Variants in GPSM2 observed in about 807,000 individuals in gnomAD.
GPSM2 encodes the protein G protein-signaling modulator 2.
A neutral mutation model predicts 78.4 loss-of-function variants in GPSM2; 58 were observed. The observed-to-expected ratio is 0.74, with a 90% CI of 0.60 to 0.92. The LOEUF is 0.92. Ranked by LOEUF, GPSM2 falls within the 40% of genes least tolerant of loss-of-function variation. GPSM2 has a pLI of 0.00. For missense variants in GPSM2, 700 were observed against 815.5 expected, an observed-to-expected ratio of 0.86 and a Z score of 1.73; for synonymous variants, 224 against 280.2, an observed-to-expected ratio of 0.80 and a Z score of 2.00.
chr1:108,913,024 T>A (rs1463172209), intron 10 of GPSM2, among the ~76,000 whole-genome samples: 1 of 152,076 alleles, frequency 6.6e-6, no homozygotes, highest in African/African-American at 2.4e-5. Context: ...TAGAAACTTA[T>A]GAGGTAAACA....
At chr1:108,903,902 T>C (rs936570792) in intron 9 of GPSM2, among the ~76,000 whole-genome samples, 1 of 152,198 alleles carries the variant, frequency 6.6e-6, no homozygotes, top group Non-Finnish European at 1.5e-5. Context: ...TACAATTAGC[T>C]GTCCTATTGT....
In GPSM2 at chr1:108,898,633, A is replaced by G. The variant is rs758721774; in HGVS notation, c.558-9A>G. The G allele has an allele frequency of 1.9e-6, 3 of 1,613,154 alleles. No individual in the cohort carries two copies. The Admixed American group carries it at 5.0e-5, about 27-fold the overall frequency. ...ACTTATTTTTTCATCACTTTTTGCG[A>G]TCCCTTAGGGAAAACCTATCATTAG... On this transcript the variant is annotated splice_polypyrimidine_tract_variant and intron_variant, in intron 5 of 14. Coordinates refer to ENST00000264126, the MANE Select transcript of GPSM2 (RefSeq NM_013296.5).
rs1652227136 is a variant in GPSM2, at chr1:108,932,772, CTG to C, written c.*2834_*2835del. On this transcript the variant is annotated 3_prime_UTR_variant, in exon 15 of 15. Transcript: ENST00000264126. ...CAAATTTATTCTAAACTGCAGGTGT[CTG>C]TCAGGATTCATTTGTTAAACATGTC... 1 of 152,194 alleles carries C rather than the reference CTG, an allele frequency of 6.6e-6. No homozygotes were observed. The highest frequency in any genetic ancestry group is 6.5e-5 in the Admixed American group (1 of 15,284). The allele number at this position is 152,194 out of a possible 1,614,324, so 9.4% of individuals were successfully genotyped here. A position where few individuals can be genotyped will look rare whatever the true frequency, so the allele number is the denominator to read the frequency against.
chr1:108,881,405 C>G (rs1405391008), intron 1 of GPSM2, among the ~76,000 whole-genome samples: 1 of 152,150 alleles, frequency 6.6e-6, no homozygotes, highest in Non-Finnish European at 1.5e-5. Flanking sequence ...TTTTCTTATC[C>G]TAATGATCAA....
chr1:108,885,996 T>G (rs954624515), intron 2 of GPSM2, among the ~76,000 whole-genome samples: 3 of 152,052 alleles, frequency 2.0e-5, no homozygotes, highest in African/African-American at 7.2e-5. Context: ...TTATTTTTTG[T>G]AGTGTATTGT....
chr1:108,900,142 G>A (rs577481552), intron 7 of GPSM2, among the ~76,000 whole-genome samples: 1 of 151,118 alleles, frequency 6.6e-6, no homozygotes, highest in African/African-American at 2.4e-5. Flanking sequence ...ATGAAACTTA[G>A]TTTTTTTCCT....
chr1:108,909,322 T>A (rs773561906), intron 10 of GPSM2, among the ~76,000 whole-genome samples: 3 of 152,174 alleles, frequency 2.0e-5, no homozygotes, highest in Non-Finnish European at 4.4e-5. Flanking sequence ...TAAGTATTCA[T>A]GAAACATTTA....
At chr1:108,913,506 A>C (rs540403123) in intron 10 of GPSM2, among the ~76,000 whole-genome samples, 1 of 152,378 alleles carries the variant, frequency 6.6e-6, no homozygotes, top group African/African-American at 2.4e-5. Flanking sequence ...AGATGGTTGC[A>C]GAATACATAC....
chr1:108,915,451 G>A (rs1295292558), intron 11 of GPSM2, among the ~76,000 whole-genome samples: 3 of 147,730 alleles, frequency 2.0e-5, no homozygotes, highest in African/African-American at 5.0e-5. Flanking sequence ...TTTTTGAGAC[G>A]GAGTCTCGCT....
intron 10 of GPSM2, among the ~76,000 whole-genome samples, chr1:108,910,232 AAATGTAATGTG>A (rs1318274525): frequency 1.3e-4 from 20 of 152,192 alleles, no homozygotes; most frequent in African/African-American, 4.8e-4. Context: ...TCCAATGGTA[AAATGTAATGTG>A]AATGGCATGC....
intron 7 of GPSM2, among the ~76,000 whole-genome samples, chr1:108,900,233 ATTTTTTTTT>A (rs756615139): frequency 7.6e-6 from 1 of 131,226 alleles, no homozygotes; most frequent in Non-Finnish European, 1.6e-5. Flanking sequence ...TCTTCTTTAG[ATTTTTTTTT>A]TTTTTTTTTT....
intron 2 of GPSM2, among the ~76,000 whole-genome samples, chr1:108,887,303 A>G (rs1259448401): frequency 6.6e-6 from 1 of 152,194 alleles, no homozygotes; most frequent in African/African-American, 2.4e-5. Context: ...GGCCTGTAAC[A>G]GACACAACTC....
intron 2 of GPSM2, among the ~76,000 whole-genome samples, chr1:108,893,071 G>A (rs748740916): frequency 5.3e-5 from 8 of 152,146 alleles, no homozygotes; most frequent in African/African-American, 9.7e-5. Context: ...TTTTAAAAAC[G>A]TGTAACACTT....
intron 14 of GPSM2, among the ~76,000 whole-genome samples, chr1:108,928,407 T>C (rs540639953): frequency 5.3e-4 from 81 of 152,106 alleles, no homozygotes; most frequent in East Asian, 7.7e-4. Context: ...TTGGAGGACA[T>C]TGAAATTATC....
intron 10 of GPSM2, among the ~76,000 whole-genome samples, chr1:108,905,912 C>T (rs1045556109): frequency 2.6e-5 from 4 of 152,102 alleles, no homozygotes; most frequent in East Asian, 3.8e-4. Flanking sequence ...TGTAGAGAGC[C>T]GCATGTGGCT....
chr1:108,915,882 C>T (rs1650178464), intron 11 of GPSM2, among the ~76,000 whole-genome samples: 2 of 152,088 alleles, frequency 1.3e-5, no homozygotes, highest in South Asian at 4.1e-4. Flanking sequence ...ATTTTGGCAT[C>T]TATTCATCTG....
chr1:108,920,518 G>A (rs1249127233), intron 12 of GPSM2, among the ~76,000 whole-genome samples: 2 of 150,350 alleles, frequency 1.3e-5, no homozygotes, highest in Non-Finnish European at 1.5e-5. Context: ...GAGAGCCTTT[G>A]CAAAAAAAAA....
chr1:108,895,287 T>C (rs1009921025), intron 2 of GPSM2, among the ~76,000 whole-genome samples: 1 of 152,268 alleles, frequency 6.6e-6, no homozygotes. Flanking sequence ...AGTAACTTAA[T>C]GCTGTTCCAA....
intron 8 of GPSM2, among the ~76,000 whole-genome samples, chr1:108,902,345 C>T (rs567152668): frequency 3.3e-5 from 5 of 150,280 alleles, no homozygotes; most frequent in Non-Finnish European, 5.9e-5. Context: ...CACGCCACTG[C>T]GCTCCAGCCT....
Sources: gnomAD v4.1 joint callset for allele counts (sites outside exome capture counted in the v4.1 genomes callset) on GRCh38, gnomAD v4.1.1 for gene constraint, MANE v1.5 for transcripts, NCBI Gene and HGNC (gene_info 2026-07-23, HGNC 2026-07-21) for gene names.